PLCXD3: variants seen among roughly 807,000 people sequenced by gnomAD.
PLCXD3 encodes the protein phosphatidylinositol specific phospholipase C X domain containing 3.
A neutral mutation model predicts 25.5 loss-of-function variants in PLCXD3; 19 were observed. That is an observed-to-expected ratio of 0.75 (90% CI 0.52 to 1.09). The LOEUF (loss-of-function observed/expected upper bound fraction) is 1.09. PLCXD3 is among the 50% of genes least tolerant of loss of function. The probability of loss-of-function intolerance (pLI) is 0.00; values close to 1 mark genes in which losing one functional copy is unlikely to be tolerated. For synonymous variants in PLCXD3, 174 were observed against 137.6 expected (o/e 1.26, Z -1.85); for missense variants, 411 against 388.1 (o/e 1.06, Z -0.50).
At chr5:41,395,529 T>C (rs1745976362) in intron 1 of PLCXD3, among the ~76,000 whole-genome samples, 1 of 151,988 alleles carries the variant, frequency 6.6e-6, no homozygotes, top group Non-Finnish European at 1.5e-5. Flanking sequence ...AACAAAAAGT[T>C]GATTTTTGAA....
At chr5:41,337,013 G>C (rs889452031) in intron 2 of PLCXD3, among the ~76,000 whole-genome samples, 4 of 152,138 alleles carry the variant, frequency 2.6e-5, no homozygotes, top group African/African-American at 7.2e-5. Context: ...GCCAGAGTAA[G>C]AATTACGAGT....
intron 1 of PLCXD3, among the ~76,000 whole-genome samples, chr5:41,484,872 A>T (rs1412847356): frequency 1.3e-5 from 2 of 152,322 alleles, no homozygotes; most frequent in East Asian, 1.9e-4. Flanking sequence ...TTCAATTTTC[A>T]GTTTCATGTC....
chr5:41,307,620 A>C lies in PLCXD3; in HGVS notation c.*5997T>G, dbSNP rs1444334135. ...CTTGCGCCTGCCTCCCCTGTCCCCC[A>C]ACAATGTTCTGAGAAGGTGTCACCA... On this transcript the variant is annotated 3_prime_UTR_variant, in exon 3 of 3. Transcript: ENST00000377801. The C allele has an allele frequency of 6.6e-6, 1 of 152,230 alleles. No homozygotes were observed. Among genetic ancestry groups the C allele is most frequent in the Non-Finnish European group, 1.5e-5 (1 of 68,156 alleles). 9.4% of individuals were successfully genotyped at this position (152,230 alleles called of 1,614,324 possible).
intron 1 of PLCXD3, among the ~76,000 whole-genome samples, chr5:41,410,306 A>ATT (rs563270858): frequency 1.3e-5 from 2 of 148,310 alleles, no homozygotes; most frequent in African/African-American, 2.5e-5. Context: ...CGCCTGGCTA[A>ATT]TTTTTTTTTT....
chr5:41,496,756 A>C lies in PLCXD3; in HGVS notation c.103+13668T>G, dbSNP rs529351746. Among the ~76,000 whole-genome samples, 17 of 151,510 alleles carry C rather than the reference A, an allele frequency of 1.1e-4. No homozygotes were observed. The South Asian group carries it at 3.5e-3, about 31-fold the overall frequency. On this transcript the variant is annotated intron_variant, in intron 1 of 2. Transcript: ENST00000377801. ...AATGTAAAAGCGTAGGTAACTATGT[A>C]ACTTAATGGTAAAGATAAATATAGA...
chr5:41,324,786 G>T (rs1032207268), intron 2 of PLCXD3, among the ~76,000 whole-genome samples: 11 of 152,196 alleles, frequency 7.2e-5, no homozygotes, highest in African/African-American at 2.7e-4. Flanking sequence ...TTTGGAAATA[G>T]TATCACAACC....
Position 41,381,983 on chromosome 5 carries a change from T to C in PLCXD3, c.655A>G (p.Thr219Ala), listed in dbSNP as rs761627090. Residue 219 changes from threonine to alanine, a missense_variant, in exon 2 of 3, where the codon ACC (threonine) becomes GCC (alanine). Physicochemically the swap from Thr to Ala is moderately conservative, Grantham distance 58 (BLOSUM62 0). Coordinates refer to ENST00000377801, the MANE Select transcript of PLCXD3 (RefSeq NM_001005473.3). Reference sequence around the variant, plus strand: ...TGGATCAGTTTCTCGGGGTCTGTGGTGTTGGCCCAGGGTGCTGGCATCATC... The same window carrying C: ...TGGATCAGTTTCTCGGGGTCTGTGGCGTTGGCCCAGGGTGCTGGCATCATC... ...GQMMPAPWAN[T>A]TDPEKLIQFL... 6.2e-7 allele frequency: 1 copy of C among 1,613,498 alleles called. No individual in the cohort carries two copies. Among genetic ancestry groups the C allele is most frequent in the Non-Finnish European group, 8.5e-7 (1 of 1,179,722 alleles).
chr5:41,403,084 C>T (rs1746234486), intron 1 of PLCXD3, among the ~76,000 whole-genome samples: 1 of 151,712 alleles, frequency 6.6e-6, no homozygotes, highest in Admixed American at 6.6e-5. Flanking sequence ...CTTTTTCTTC[C>T]TTCTTTGGGT....
At chr5:41,482,199 G>T (rs1748428620) in intron 1 of PLCXD3, among the ~76,000 whole-genome samples, 1 of 152,048 alleles carries the variant, frequency 6.6e-6, no homozygotes. Flanking sequence ...CATTAGAATG[G>T]AAATGCCTAA....
intron 1 of PLCXD3, among the ~76,000 whole-genome samples, chr5:41,482,070 A>G (rs1748426061): frequency 6.6e-6 from 1 of 151,710 alleles, no homozygotes; most frequent in Admixed American, 6.6e-5. Context: ...CTTCAAGATA[A>G]CTTTTTTTTT....
intron 2 of PLCXD3, among the ~76,000 whole-genome samples, chr5:41,323,790 GA>G (rs1743545266): frequency 6.6e-6 from 1 of 152,006 alleles, no homozygotes; most frequent in Non-Finnish European, 1.5e-5. Context: ...ACTGGATGTA[GA>G]AGGAGAGGAA....
At chr5:41,329,080 AC>A (rs1743714311) in intron 2 of PLCXD3, among the ~76,000 whole-genome samples, 1 of 151,992 alleles carries the variant, frequency 6.6e-6, no homozygotes. Context: ...GCTCATCTTG[AC>A]CAGCCTAATT....
intron 2 of PLCXD3, among the ~76,000 whole-genome samples, chr5:41,324,471 A>G (rs557890999): frequency 6.6e-6 from 1 of 152,336 alleles, no homozygotes; most frequent in South Asian, 2.1e-4. Flanking sequence ...TGTTTCTAAA[A>G]GAGCATAATG....
At chr5:41,318,231 T>C (rs1743358149) in intron 2 of PLCXD3, among the ~76,000 whole-genome samples, 1 of 151,962 alleles carries the variant, frequency 6.6e-6, no homozygotes, top group Non-Finnish European at 1.5e-5. Flanking sequence ...TAATGAGCAA[T>C]AAATAATCAG....
At chr5:41,365,566 A>G (rs1298083448) in intron 2 of PLCXD3, among the ~76,000 whole-genome samples, 1 of 152,100 alleles carries the variant, frequency 6.6e-6, no homozygotes, top group Non-Finnish European at 1.5e-5. Flanking sequence ...AGCACATTCT[A>G]TGTTCTTGTT....
At chr5:41,441,043 C>T (rs897874592) in intron 1 of PLCXD3, among the ~76,000 whole-genome samples, 1 of 152,184 alleles carries the variant, frequency 6.6e-6, no homozygotes, top group Non-Finnish European at 1.5e-5. Context: ...TGCAGTCCTT[C>T]CTCTAACCTT....
chr5:41,493,393 A>G (rs2150526392), intron 1 of PLCXD3, among the ~76,000 whole-genome samples: 1 of 152,322 alleles, frequency 6.6e-6, no homozygotes, highest in Non-Finnish European at 1.5e-5. Context: ...TCAGGGACCC[A>G]CTTGAGGAGG....
At chr5:41,348,655 G>A (rs147551300) in intron 2 of PLCXD3, among the ~76,000 whole-genome samples, 1 of 151,996 alleles carries the variant, frequency 6.6e-6, no homozygotes, top group Non-Finnish European at 1.5e-5. Flanking sequence ...TTGTTTGTTT[G>A]TTTGTTTGTT....
At chr5:41,458,543 A>G (rs1001183124) in intron 1 of PLCXD3, among the ~76,000 whole-genome samples, 6 of 151,972 alleles carry the variant, frequency 3.9e-5, no homozygotes, top group African/African-American at 1.4e-4. Flanking sequence ...TGTTCATTGA[A>G]TTGTCACCCT....
Sources: gnomAD v4.1 joint callset for allele counts (sites outside exome capture counted in the v4.1 genomes callset) on GRCh38, gnomAD v4.1.1 for gene constraint, MANE v1.5 for transcripts, NCBI Gene and HGNC (gene_info 2026-07-23, HGNC 2026-07-21) for gene names.